PCDH15: variants seen among roughly 807,000 people sequenced by gnomAD.
PCDH15 encodes the protein protocadherin-15.
Under a neutral mutation model 178.5 loss-of-function variants are expected in PCDH15, and 129 were observed. That is an observed-to-expected ratio of 0.72 (90% CI 0.63 to 0.84). The LOEUF (loss-of-function observed/expected upper bound fraction) is 0.84, where lower values mean the gene tolerates loss of function less well. Among genes scored for constraint, PCDH15 ranks in the 40% least tolerant of loss-of-function variants. The probability of loss-of-function intolerance (pLI) is 0.00; values close to 1 mark genes in which losing one functional copy is unlikely to be tolerated. For synonymous variants in PCDH15, 800 were observed against 732.0 expected (o/e 1.09, Z -1.50); for missense variants, 2,230 against 2,099.9 (o/e 1.06, Z -1.21).
At chr10:54,852,725 C>T (rs186555257) in intron 3 of PCDH15, among the ~76,000 whole-genome samples, 300 of 151,558 alleles carry the variant, frequency 2.0e-3, no homozygotes, top group African/African-American at 7.0e-3. Context: ...TGGTGGTAGG[C>T]GCCTGTAATC....
chr10:54,224,001 C>G (rs982478898), intron 9 of PCDH15, among the ~76,000 whole-genome samples: 1 of 152,138 alleles, frequency 6.6e-6, no homozygotes. Context: ...AAATGCACAT[C>G]TAATATACTT....
At position 54,174,702 on chromosome 10, in the gene PCDH15, CTTTTTTTTTTTT is replaced by C. The variant is rs1169302544; in HGVS notation, c.1590+8730_1590+8741del. ...CTTCTTTCTTTTTTCTTTTTCTTTT[CTTTTTTTTTTTT>C]TTTTTTTTTGAGACAGAGTCTCGTT... On this transcript the variant is annotated intron_variant, in intron 13 of 37. Transcript: ENST00000644397. 4.8e-5 allele frequency among the ~76,000 whole-genome samples: 4 copies of C among 84,052 alleles called. No homozygotes were observed. In the East Asian group the frequency reaches 1.2e-3, roughly 25 times the overall value. The allele number at this position is 84,052 out of a possible 152,430, so 55.1% of individuals were successfully genotyped here. A position where few individuals can be genotyped will look rare whatever the true frequency, so the allele number is the denominator to read the frequency against.
At chr10:55,185,618 A>G (rs1839777173) in intron 1 of PCDH15, among the ~76,000 whole-genome samples, 1 of 151,664 alleles carries the variant, frequency 6.6e-6, no homozygotes, top group South Asian at 2.1e-4. Flanking sequence ...AATTATATAA[A>G]TTTTCTTTAG....
intron 25 of PCDH15, among the ~76,000 whole-genome samples, chr10:53,914,038 G>C (rs572877248): frequency 6.6e-6 from 1 of 152,200 alleles, no homozygotes; most frequent in Non-Finnish European, 1.5e-5. Flanking sequence ...GGTCATCAGA[G>C]AAATGCAAAT....
At chr10:54,406,798 A>T (rs541873300) in intron 3 of PCDH15, among the ~76,000 whole-genome samples, 3 of 152,290 alleles carry the variant, frequency 2.0e-5, no homozygotes, top group African/African-American at 7.2e-5. Flanking sequence ...AGGCCAAACT[A>T]CAAAGTATTT....
At chr10:54,854,414 T>A (rs1164234927) in intron 3 of PCDH15, among the ~76,000 whole-genome samples, 1 of 152,208 alleles carries the variant, frequency 6.6e-6, no homozygotes, top group Non-Finnish European at 1.5e-5. Flanking sequence ...GGTAACCAAG[T>A]TATTGTCCTG....
In PCDH15 at chr10:54,317,387, C is replaced by T; in HGVS notation, c.760G>A (p.Asp254Asn). 6.2e-7 allele frequency: 1 copy of T among 1,613,946 alleles called. No homozygotes were observed. Among genetic ancestry groups the T allele is most frequent in the South Asian group, 1.1e-5 (1 of 91,084 alleles). Residue 254 changes from aspartate (D) to asparagine (N), a missense_variant, in exon 8 of 38, where the codon GAT (aspartate) becomes AAT (asparagine). Physicochemically the swap from Asp to Asn is conservative, Grantham distance 23 (BLOSUM62 1). Transcript: ENST00000644397. ...CCCAAGTCATCTCCATCCAGAACAT[C>T]CACTGTGAGAGTGGTGGTGGTGGTT... ...RRTTTTTLTV[D>N]VLDGDDLGPM...
chr10:53,840,343 G>T lies in PCDH15; in HGVS notation c.3960C>A (p.Ala1320=). The T allele has an allele frequency of 6.2e-7, 1 of 1,614,134 alleles. No individual in the cohort carries two copies. ...VYAIDPQTNR[A]IDRNELFKFL... ...ACTTAAAAAGCTCATTTCTATCGAT[G>T]GCTCTGTTGGTTTGGGGGTCAATTG... Residue 1320 remains alanine (A), a synonymous_variant, in exon 29 of 38, where the codon GCC becomes GCA. Transcript: ENST00000644397.
intron 2 of PCDH15, among the ~76,000 whole-genome samples, chr10:55,053,527 A>C (rs77774693): frequency 2.7e-4 from 41 of 152,350 alleles, no homozygotes; most frequent in African/African-American, 8.2e-4. Context: ...AATCACATGC[A>C]TGTATATTCA....
intron 2 of PCDH15, among the ~76,000 whole-genome samples, chr10:54,653,364 T>C (rs965048348): frequency 6.6e-6 from 1 of 152,182 alleles, no homozygotes; most frequent in South Asian, 2.1e-4. Flanking sequence ...CAAAGAGATA[T>C]TGAGTAATTT....
rs926350723 is a variant in PCDH15, at chr10:54,375,970, C to G, written c.318+2812G>C. 5.0e-4 allele frequency among the ~76,000 whole-genome samples: 76 copies of G among 151,012 alleles called. No individual in the cohort carries two copies. In the East Asian group the frequency reaches 0.011, roughly 22 times the overall value. On this transcript the variant is annotated intron_variant, in intron 4 of 37. Transcript: ENST00000644397. ...AGTGCAGTGGTGTGATCTTGGTTCA[C>G]TGCAACCTCCGCCTCCTGGGATCAA...
chr10:55,025,828 A>T (rs879616561), intron 2 of PCDH15, among the ~76,000 whole-genome samples: 3 of 152,042 alleles, frequency 2.0e-5, no homozygotes, highest in Non-Finnish European at 2.9e-5. Context: ...TTTCTACAAC[A>T]TAAAACAGAA....
chr10:55,153,620 G>A lies in PCDH15; in HGVS notation c.-80+12956C>T, dbSNP rs1838798016. Among the ~76,000 whole-genome samples, 6 of 152,134 alleles carry A rather than the reference G, an allele frequency of 3.9e-5. No individual in the cohort carries two copies. In the South Asian group the frequency reaches 1.2e-3, roughly 31 times the overall value. On this transcript the variant is annotated intron_variant, in intron 2 of 5. Coordinates refer to the PCDH15 transcript ENST00000458638. ...AGGCACCTCAGTACTAATAGCCACT[G>A]GCGGCCTTGTGCTAAACTCCCCTTT...
intron 1 of PCDH15, among the ~76,000 whole-genome samples, chr10:54,725,898 T>A (rs887974479): frequency 2.6e-5 from 3 of 116,776 alleles, no homozygotes; most frequent in African/African-American, 3.5e-5. Flanking sequence ...TAAAAAAAAA[T>A]TACTGCTGAT....
intron 3 of PCDH15, among the ~76,000 whole-genome samples, chr10:54,819,166 A>T (rs1952995767): frequency 6.6e-6 from 1 of 151,950 alleles, no homozygotes; most frequent in African/African-American, 2.4e-5. Context: ...TTTGCTGAAG[A>T]CTTGATTAGA....
intron 3 of PCDH15, among the ~76,000 whole-genome samples, chr10:54,519,236 A>G (rs1175786686): frequency 2.0e-5 from 3 of 152,202 alleles, no homozygotes; most frequent in African/African-American, 7.2e-5. Flanking sequence ...AGAAGAAAAC[A>G]AAGGGTATTC....
rs1841161745 is a variant in PCDH15 at position 53,806,437 on chromosome 10, T to TCTC, written c.*141_*142insGAG. On this transcript the variant is annotated 3_prime_UTR_variant, in exon 38 of 38. Transcript: ENST00000644397. ...ACAATGTGAGTGCAAATCTGTCTCTTAAAATTTTAAAGCATATTGTTCAAA... is the reference window on the plus strand; with the variant it reads ...ACAATGTGAGTGCAAATCTGTCTCTTCTCAAAATTTTAAAGCATATTGTTCAAA... 1.4e-6 allele frequency: 1 copy of TCTC among 733,632 alleles called. No homozygotes were observed. The highest frequency in any genetic ancestry group is 1.8e-5 in the African/African-American group (1 of 54,866). 45.4% of individuals were successfully genotyped at this position (733,632 alleles called of 1,614,324 possible).
intron 2 of PCDH15, among the ~76,000 whole-genome samples, chr10:55,129,523 T>G (rs986759821): frequency 6.6e-6 from 1 of 152,122 alleles, no homozygotes; most frequent in African/African-American, 2.4e-5. Context: ...GAAATCTACA[T>G]AGTCAATTCT....
At chr10:54,525,716 C>T (rs2083299671) in intron 3 of PCDH15, among the ~76,000 whole-genome samples, 1 of 152,162 alleles carries the variant, frequency 6.6e-6, no homozygotes, top group Non-Finnish European at 1.5e-5. Context: ...GCCTCAGCCT[C>T]CCAAAATGCT....
Sources: gnomAD v4.1 joint callset for allele counts (sites outside exome capture counted in the v4.1 genomes callset) on GRCh38, gnomAD v4.1.1 for gene constraint, MANE v1.5 for transcripts, NCBI Gene and HGNC (gene_info 2026-07-23, HGNC 2026-07-21) for gene names.